Variants in RANBP2 observed in about 807,000 individuals in gnomAD.
RANBP2 encodes RAN binding protein 2, also known as E3 SUMO-protein ligase RanBP2.
A neutral mutation model predicts 303.6 loss-of-function variants in RANBP2; 57 were observed. That is an observed-to-expected ratio of 0.19 (90% CI 0.15 to 0.23). The LOEUF (loss-of-function observed/expected upper bound fraction) is 0.23, where lower values mean the gene tolerates loss of function less well. Ranked by LOEUF, RANBP2 falls within the 10% of genes least tolerant of loss-of-function variation. The pLI is 1.00. For synonymous variants in RANBP2, 1,167 were observed against 1,301.5 expected (o/e 0.90, Z 2.23); for missense variants, 3,138 against 3,780.8 (o/e 0.83, Z 4.46).
chr2:108,855,750 C>T, the RANBP2 span, among the ~76,000 whole-genome samples: 1 of 152,150 alleles, frequency 6.6e-6, no homozygotes, highest in African/African-American at 2.4e-5. Context: ...CTAAACTTCT[C>T]ATTCTTAATA....
At chr2:109,182,841 A>G in the RANBP2 span, among the ~76,000 whole-genome samples, 1 of 152,212 alleles carries the variant, frequency 6.6e-6, no homozygotes, top group African/African-American at 2.4e-5. Flanking sequence ...GCCTGTTTCT[A>G]ATATATAGTT....
chr2:109,683,597 C>T, the RANBP2 span, among the ~76,000 whole-genome samples: 1 of 152,114 alleles, frequency 6.6e-6, no homozygotes, highest in Non-Finnish European at 1.5e-5. Flanking sequence ...CTGGGCTTCT[C>T]TGGTCAGTGA....
At chr2:108,841,110 A>G in the RANBP2 span, among the ~76,000 whole-genome samples, 1 of 152,164 alleles carries the variant, frequency 6.6e-6, no homozygotes, top group Admixed American at 6.5e-5. Flanking sequence ...TACTGGGATT[A>G]CAGGTGTGAG....
At chr2:109,596,425 G>T in the RANBP2 span, among the ~76,000 whole-genome samples, 2 of 151,890 alleles carry the variant, frequency 1.3e-5, no homozygotes, top group African/African-American at 4.8e-5. Context: ...AGACCATCCT[G>T]GCTAACACAG....
the RANBP2 span, among the ~76,000 whole-genome samples, chr2:109,264,391 C>T: frequency 1.3e-5 from 2 of 151,732 alleles, no homozygotes; most frequent in Non-Finnish European, 2.9e-5. Flanking sequence ...CAGGATCCAC[C>T]TCGAGTCTGT....
At chr2:109,069,995 G>A in the RANBP2 span, among the ~76,000 whole-genome samples, 1 of 152,240 alleles carries the variant, frequency 6.6e-6, no homozygotes, top group Non-Finnish European at 1.5e-5. Context: ...TGATGTAACA[G>A]AGCTTCTTTT....
At chr2:108,856,354 G>C in the RANBP2 span, among the ~76,000 whole-genome samples, 3 of 152,080 alleles carry the variant, frequency 2.0e-5, no homozygotes, top group Admixed American at 6.5e-5. Context: ...AATCCATTTA[G>C]CACGTTTGTA....
the RANBP2 span, among the ~76,000 whole-genome samples, chr2:109,715,000 G>A: frequency 9.6e-5 from 13 of 135,688 alleles, no homozygotes; most frequent in Admixed American, 8.0e-4. Context: ...GTGGAGTTTC[G>A]CTCTTGTTGC....
the RANBP2 span, among the ~76,000 whole-genome samples, chr2:109,121,419 A>C: frequency 6.6e-6 from 1 of 152,228 alleles, no homozygotes; most frequent in African/African-American, 2.4e-5. Context: ...TTTACACCGC[A>C]ATTACCTAGA....
chr2:108,756,013 C>T (rs1196712227), intron 17 of RANBP2, among the ~76,000 whole-genome samples: 6 of 152,148 alleles, frequency 3.9e-5, no homozygotes, highest in Non-Finnish European at 5.9e-5. Context: ...TGTAAACCCC[C>T]GAGCCCAGCC....
At chr2:109,326,131 A>G in the RANBP2 span, among the ~76,000 whole-genome samples, 973 of 152,262 alleles carry the variant, frequency 6.4e-3, 12 homozygotes, top group African/African-American at 0.022. Flanking sequence ...GTGGGTCTAC[A>G]TTGTTTATTT....
At chr2:108,880,457 G>A in the RANBP2 span, among the ~76,000 whole-genome samples, 50 of 152,274 alleles carry the variant, frequency 3.3e-4, no homozygotes, top group African/African-American at 1.2e-3. Context: ...GCATCCAGAA[G>A]GCTAAACTTC....
At chr2:108,769,589 A>G (rs952351254) in intron 20 of RANBP2, among the ~76,000 whole-genome samples, 8 of 151,444 alleles carry the variant, frequency 5.3e-5, no homozygotes, top group South Asian at 2.1e-4. Flanking sequence ...GGTCTGCTCA[A>G]TGAAGACCTA....
the RANBP2 span, among the ~76,000 whole-genome samples, chr2:109,016,248 ATT>A: frequency 6.9e-6 from 1 of 145,556 alleles, no homozygotes; most frequent in Admixed American, 6.8e-5. Context: ...CGCCCGGCTA[ATT>A]TTTTTTTTTT....
chr2:109,139,342 A>G, the RANBP2 span, among the ~76,000 whole-genome samples: 1 of 151,934 alleles, frequency 6.6e-6, no homozygotes, highest in East Asian at 1.9e-4. Context: ...CATGATGCCC[A>G]TGGGTTAATT....
At chr2:108,837,445 A>G in the RANBP2 span, among the ~76,000 whole-genome samples, 1 of 152,336 alleles carries the variant, frequency 6.6e-6, no homozygotes, top group South Asian at 2.1e-4. Flanking sequence ...ATGATGTTTA[A>G]GACAATGGTA....
At chr2:109,015,944 C>T in the RANBP2 span, among the ~76,000 whole-genome samples, 19 of 152,248 alleles carry the variant, frequency 1.2e-4, no homozygotes, top group Admixed American at 2.6e-4. Flanking sequence ...GGGGTCGGTG[C>T]CCCCACTTCA....
the RANBP2 span, among the ~76,000 whole-genome samples, chr2:109,714,232 C>T: frequency 2.6e-5 from 4 of 151,990 alleles, no homozygotes; most frequent in African/African-American, 2.4e-5. Flanking sequence ...CCAATAGGCA[C>T]GTTGCATTAC....
chr2:109,611,258 T>C, the RANBP2 span, among the ~76,000 whole-genome samples: 1 of 152,216 alleles, frequency 6.6e-6, no homozygotes. Flanking sequence ...AGAAAATCTT[T>C]GGGATCTAAG....
Sources: gnomAD v4.1 joint callset for allele counts (sites outside exome capture counted in the v4.1 genomes callset) on GRCh38, gnomAD v4.1.1 for gene constraint, MANE v1.5 for transcripts, NCBI Gene and HGNC (gene_info 2026-07-23, HGNC 2026-07-21) for gene names.